ASPM: variants seen among roughly 807,000 people sequenced by gnomAD.
ASPM encodes assembly factor for spindle microtubules.
ASPM carries 256 observed loss-of-function variants against 366.4 expected under a neutral mutation model. The ratio of observed to expected loss-of-function variants is 0.70; its 90% CI spans 0.63 to 0.77. The LOEUF is 0.77. Among genes scored for constraint, ASPM ranks in the 30% least tolerant of loss-of-function variants. The pLI is 0.00. For synonymous variants in ASPM, 1,414 were observed against 1,342.9 expected (o/e 1.05, Z -1.16); for missense variants, 4,146 against 4,090.4 (o/e 1.01, Z -0.37).
Position 197,097,614 on chromosome 1 carries a change from T to C in ASPM, c.8821-1450A>G, listed in dbSNP as rs191122530. 6.1e-3 allele frequency among the ~76,000 whole-genome samples: 933 copies of C among 151,886 alleles called. 12 individuals carry two copies. The highest frequency in any genetic ancestry group is 0.032 in the South Asian group (155 of 4,824). Reference sequence around the variant, plus strand: ...ACCTTAACTCATTCAGACTATATTGTATACGGTTTTTATGTAAATCTGCAT... The same window carrying C: ...ACCTTAACTCATTCAGACTATATTGCATACGGTTTTTATGTAAATCTGCAT... On this transcript the variant is annotated intron_variant, in intron 18 of 27. Coordinates refer to ENST00000367409, the MANE Select transcript of ASPM (RefSeq NM_018136.5).
intron 18 of ASPM, among the ~76,000 whole-genome samples, 191 bp downstream of exon 18, chr1:197,100,240 G>A (rs530562518): frequency 1.3e-5 from 2 of 151,566 alleles, no homozygotes; most frequent in South Asian, 2.1e-4. Context: ...AACAATCCCC[G>A]TTCTGTGCTG....
chr1:197,102,450 A>C lies in ASPM; in HGVS notation c.6801T>G (p.Thr2267=), dbSNP rs762341245. The C allele has an allele frequency of 2.5e-6, 4 of 1,612,582 alleles. No homozygotes were observed. The highest frequency in any genetic ancestry group is 3.4e-6 in the Non-Finnish European group (4 of 1,179,232). The change falls in exon 18 of 28, where the codon ACT becomes ACG. Residue 2267 remains threonine (T), a synonymous_variant. Coordinates refer to ENST00000367409, the MANE Select transcript of ASPM (RefSeq NM_018136.5). ...RHLKMMHIAA[T]LIQRRFRTLM... ...GAGTTCTAAATCTCCTCTGAATGAG[A>C]GTTGCGGCTATATGCATCATTTTTA...
At chr1:197,125,553 C>T (rs1270102639) in intron 10 of ASPM, among the ~76,000 whole-genome samples, 1 of 152,048 alleles carries the variant, frequency 6.6e-6, no homozygotes, top group Non-Finnish European at 1.5e-5. Context: ...CTATATTGTA[C>T]ACATCAAGCA....
rs6656858 is a variant in ASPM, at chr1:197,144,443, C to G, written c.298-343G>C. On this transcript the variant is annotated intron_variant, in intron 1 of 27. Coordinates refer to ENST00000367409, the MANE Select transcript of ASPM (RefSeq NM_018136.5). ...GTGTAGAGTACTTCTACTTCAAACACAAGGACCCTGCATTATGAAGACTTT... is the reference window on the plus strand; with the variant it reads ...GTGTAGAGTACTTCTACTTCAAACAGAAGGACCCTGCATTATGAAGACTTT... Among the ~76,000 whole-genome samples, 6 of 152,168 alleles carry G rather than the reference C, an allele frequency of 3.9e-5. No individual in the cohort carries two copies. The South Asian group carries it at 1.2e-3, about 32-fold the overall frequency.
At chr1:197,132,629 T>C (rs1373041587) in intron 6 of ASPM, among the ~76,000 whole-genome samples, 1 of 152,016 alleles carries the variant, frequency 6.6e-6, no homozygotes, top group East Asian at 1.9e-4. Context: ...CTTATGTTCA[T>C]TGCAGCATTA....
rs976763721 is a variant in ASPM at position 197,090,013 on chromosome 1, C to T, written c.9901G>A (p.Val3301Ile). The change falls in exon 25 of 28, where the codon GTT becomes ATT. Residue 3301 changes from valine (V) to isoleucine (I), a missense_variant. Coordinates refer to ENST00000367409, the MANE Select transcript of ASPM (RefSeq NM_018136.5). ...AQSGAISKIF[V>I]LIRSCNRSIP... ...CTGCGATTACAACTTCGGATCAAAA[C>T]AAATATTTTAGAAATTGCTCCACTC... The T allele has an allele frequency of 4.3e-6, 7 of 1,612,732 alleles. No individual in the cohort carries two copies. The highest frequency in any genetic ancestry group is 1.6e-4 in the Middle Eastern group (1 of 6,074).
chr1:197,102,001 C>G lies in ASPM; in HGVS notation c.7250G>C (p.Arg2417Thr). The G allele has an allele frequency of 6.2e-7, 1 of 1,612,780 alleles. No homozygotes were observed. The highest frequency in any genetic ancestry group is 8.5e-7 in the Non-Finnish European group (1 of 1,179,272). ...TCTCCTCACCAGTAATGATCTAAAC[C>G]TACTCTGAATAAGGGTTGCAGAGGA... ...MHSSATLIQS[R>T]FRSLLVRRRF... The change falls in exon 18 of 28, where the codon AGG becomes ACG. Residue 2417 changes from arginine to threonine, a missense_variant. By Grantham distance (71) the Arg-to-Thr change is moderately conservative. Around this residue, in one of 3 missense-constraint regions of ASPM, gnomAD observed 3,624 missense variants for 3,591.7 expected, o/e 1.01. Transcript: ENST00000367409.
intron 25 of ASPM, 80 bp from the exon 26 acceptor site, chr1:197,088,512 A>C: frequency 1.4e-6 from 2 of 1,407,680 alleles, no homozygotes; most frequent in Non-Finnish European, 2.0e-6. Context: ...AACAAAATAC[A>C]AAAGTCCATA....
At chr1:197,120,626 C>T (rs1272394031) in intron 16 of ASPM, among the ~76,000 whole-genome samples, 37 of 152,144 alleles carry the variant, frequency 2.4e-4, no homozygotes, top group Admixed American at 2.4e-3. Flanking sequence ...CTAAAACTCT[C>T]ATTTAATGCA....
intron 5 of ASPM, 144 bp downstream of exon 5, chr1:197,134,952 T>A: frequency 2.9e-6 from 2 of 686,190 alleles, no homozygotes; most frequent in Non-Finnish European, 2.4e-6. Context: ...TAAAAATTCT[T>A]ACCTATACAA....
Position 197,142,910 on chromosome 1 carries a change from T to C in ASPM, c.1342A>G (p.Lys448Glu), listed in dbSNP as rs1658641083. 1.2e-6 allele frequency: 2 copies of C among 1,613,714 alleles called. No homozygotes were observed. The highest frequency in any genetic ancestry group is 1.1e-5 in the South Asian group (1 of 91,088). Residue 448 changes from lysine to glutamate, a missense_variant, in exon 3 of 28, where the codon AAA becomes GAA. Physicochemically the swap from Lys to Glu is moderately conservative, Grantham distance 56 (BLOSUM62 1). Around this residue, in one of 3 missense-constraint regions of ASPM, gnomAD observed 3,624 missense variants for 3,591.7 expected, o/e 1.01. Transcript: ENST00000367409. ...TCTACTAGTTCTTCAAAAATAGCTT[T>C]GGGAGATTTTGAACCCTGACATTCA... Reference protein sequence around the residue: ...IPECQGSKSPKAIFEELVEMK... With the variant: ...IPECQGSKSPEAIFEELVEMK...
Position 197,105,097 on chromosome 1 carries a change from ATTATCATTC to A in ASPM, c.4145_4153del (p.Arg1382_Ile1384del). ...ATATCGTTTATAAGATGTAACAGCA[ATTATCATTC>A]TTATCCTAGATTGCAGGATGATTGA... On this transcript the variant is annotated inframe_deletion, in exon 18 of 28. Transcript: ENST00000367409. 1 of 1,609,086 alleles carries A rather than the reference ATTATCATTC, an allele frequency of 6.2e-7. No homozygotes were observed. The highest frequency in any genetic ancestry group is 8.5e-7 in the Non-Finnish European group (1 of 1,176,264).
chr1:197,134,863 T>C (rs1658369835), intron 5 of ASPM, among the ~76,000 whole-genome samples: 1 of 152,312 alleles, frequency 6.6e-6, no homozygotes, highest in Non-Finnish European at 1.5e-5. Flanking sequence ...TTGCATTGAC[T>C]GATGAGAGAG....
At chr1:197,093,318 C>A (rs927644219) in intron 20 of ASPM, 57 bp from the exon 21 acceptor site, 2 of 1,398,010 alleles carry the variant, frequency 1.4e-6, no homozygotes, top group Middle Eastern at 1.9e-4. Flanking sequence ...GATTTCCAAC[C>A]CACTAGAAGT....
chr1:197,099,563 G>A (rs1029211215), intron 18 of ASPM, among the ~76,000 whole-genome samples: 1 of 151,526 alleles, frequency 6.6e-6, no homozygotes, highest in Non-Finnish European at 1.5e-5. Context: ...TGTGTTTCCT[G>A]AAACATACAC....
intron 10 of ASPM, among the ~76,000 whole-genome samples, chr1:197,128,278 A>G (rs1658148549): frequency 6.6e-6 from 1 of 151,796 alleles, no homozygotes. Flanking sequence ...GTCACATGCC[A>G]TCAGGAAAAA....
intron 16 of ASPM, among the ~76,000 whole-genome samples, chr1:197,120,071 G>T (rs927938197): frequency 6.6e-6 from 1 of 151,978 alleles, no homozygotes; most frequent in Admixed American, 6.6e-5. Context: ...AGAAACAGTG[G>T]TCTGACTGGG....
At position 197,146,433 on chromosome 1, in the gene ASPM, G is replaced by T; in HGVS notation, c.5C>A (p.Ala2Glu). 1 of 1,607,266 alleles carries T rather than the reference G, an allele frequency of 6.2e-7. No homozygotes were observed. The highest frequency in any genetic ancestry group is 8.5e-7 in the Non-Finnish European group (1 of 1,179,452). Residue 2 changes from alanine to glutamate, a missense_variant, in exon 1 of 28, where the codon GCG becomes GAG. This residue lies in a region of ASPM where 512 missense variants were observed against 471.7 expected (regional missense o/e 1.09). Transcript: ENST00000367409. Reference sequence around the variant, plus strand: ...GCAGCCTCGCCCCACTCGCCGGTTCGCCATGGCAGATTCGAGACCCCTCCT... The same window carrying T: ...GCAGCCTCGCCCCACTCGCCGGTTCTCCATGGCAGATTCGAGACCCCTCCT... M[A>E]NRRVGRGCWE...
Position 197,122,299 on chromosome 1 carries a change from T to C in ASPM, c.3601A>G (p.Asn1201Asp). ...DMSLKAFDHE[N>D]TSELYKELLE... The stretch of plus-strand genomic sequence containing the variant: ...AGCTCTTTGTATAGCTCTGAAGTAT[T>C]TTCTATTATGCAGGAGGAAAGGAGA... The change falls in exon 15 of 28, where the codon AAT (asparagine) becomes GAT (aspartate). Residue 1201 changes from asparagine (N) to aspartate (D), a missense_variant and splice_region_variant. Coordinates refer to ENST00000367409, the MANE Select transcript of ASPM (RefSeq NM_018136.5). 6.2e-7 allele frequency: 1 copy of C among 1,613,794 alleles called. No individual in the cohort carries two copies. Among genetic ancestry groups the C allele is most frequent in the Non-Finnish European group, 8.5e-7 (1 of 1,179,782 alleles).
Sources: gnomAD v4.1 joint callset for allele counts (sites outside exome capture counted in the v4.1 genomes callset) on GRCh38, gnomAD v4.1.1 for gene constraint, gnomAD v4.1.1 regional missense constraint, MANE v1.5 for transcripts, NCBI Gene and HGNC (gene_info 2026-07-23, HGNC 2026-07-21) for gene names.